The following GCNT2 variants were observed in gnomAD, a reference collection of about 807,000 sequenced individuals.
GCNT2 encodes the protein N-acetyllactosaminide beta-1,6-N-acetylglucosaminyl-transferase.
GCNT2 carries 34 observed loss-of-function variants against 34.2 expected under a neutral mutation model. The ratio of observed to expected loss-of-function variants is 1.00; its 90% CI spans 0.76 to 1.32. The LOEUF is 1.32. GCNT2 is among the 40% of genes most tolerant of loss of function. The pLI, the probability that GCNT2 is intolerant of heterozygous loss-of-function variation, is 0.00. For missense variants in GCNT2, 584 were observed against 489.4 expected (o/e 1.19, Z -1.82); for synonymous variants, 212 against 188.0 (o/e 1.13, Z -1.04).
In GCNT2 at chr6:10,542,208, G is replaced by C. The variant is rs116414980; in HGVS notation, c.925+12372G>C. 7.9e-3 allele frequency among the ~76,000 whole-genome samples: 1,199 copies of C among 150,896 alleles called. 13 individuals are homozygous for C. The highest frequency in any genetic ancestry group is 0.027 in the African/African-American group (1,137 of 41,478). Reference sequence around the variant, plus strand: ...ATAGAATCTACAACAGATCGACAGAGTTACAGCTGTTTCCTGCCCCAGTTT... The same window carrying C: ...ATAGAATCTACAACAGATCGACAGACTTACAGCTGTTTCCTGCCCCAGTTT... On this transcript the variant is annotated intron_variant, in intron 3 of 4. Transcript: ENST00000495262.
At chr6:10,570,236 G>A (rs1763498785) in intron 3 of GCNT2, among the ~76,000 whole-genome samples, 1 of 152,204 alleles carries the variant, frequency 6.6e-6, no homozygotes, top group Non-Finnish European at 1.5e-5. Context: ...CACCCAGCAT[G>A]TGGCATTCTT....
At chr6:10,544,603 C>CA (rs1157826761) in intron 3 of GCNT2, among the ~76,000 whole-genome samples, 1 of 150,142 alleles carries the variant, frequency 6.7e-6, no homozygotes, top group Non-Finnish European at 1.5e-5. Context: ...GACTCCATCT[C>CA]AAAAATAAAT....
intron 3 of GCNT2, among the ~76,000 whole-genome samples, chr6:10,541,821 GTTGAGTTGGTC>G (rs1762046076): frequency 6.6e-6 from 1 of 152,166 alleles, no homozygotes; most frequent in African/African-American, 2.4e-5. Flanking sequence ...TGAGGACCCA[GTTGAGTTGGTC>G]TTGCTCCTAA....
At chr6:10,530,873 T>C (rs1029828187) in intron 3 of GCNT2, among the ~76,000 whole-genome samples, 1 of 151,982 alleles carries the variant, frequency 6.6e-6, no homozygotes, top group South Asian at 2.1e-4. Flanking sequence ...GCCAACATGG[T>C]GAAACCCCGT....
chr6:10,601,939 T>TTAAAA (rs1561830857), intron 3 of GCNT2, among the ~76,000 whole-genome samples: 64 of 76,374 alleles, frequency 8.4e-4, no homozygotes, highest in African/African-American at 4.7e-3. Context: ...AGACTCCATC[T>TTAAAA]CAAGAAAAAA....
intron 4 of GCNT2, among the ~76,000 whole-genome samples, chr6:10,622,554 C>G (rs9366554): frequency 6.6e-6 from 1 of 151,968 alleles, no homozygotes; most frequent in Non-Finnish European, 1.5e-5. Flanking sequence ...TGTCTCCACT[C>G]TGAGACACTC....
intron 3 of GCNT2, chr6:10,530,090 A>G: frequency 2.3e-6 from 1 of 433,286 alleles, no homozygotes; most frequent in Non-Finnish European, 4.2e-6. Flanking sequence ...GACCGAGCAC[A>G]GTGGCTCAAG....
chr6:10,607,614 G>A (rs6927942), intron 3 of GCNT2, among the ~76,000 whole-genome samples: 1 of 152,182 alleles, frequency 6.6e-6, no homozygotes, highest in East Asian at 1.9e-4. Context: ...TGAAGAGTTT[G>A]TCACCATAAT....
chr6:10,539,783 G>A (rs1016882718), intron 3 of GCNT2, among the ~76,000 whole-genome samples: 10 of 152,198 alleles, frequency 6.6e-5, no homozygotes, highest in African/African-American at 1.9e-4. Context: ...TCTAATTTTT[G>A]GTTAGAAATC....
intron 3 of GCNT2, among the ~76,000 whole-genome samples, chr6:10,578,525 C>T (rs1763927050): frequency 7.0e-6 from 1 of 142,694 alleles, no homozygotes; most frequent in African/African-American, 2.7e-5. Context: ...CGGCTCACTG[C>T]AAGCTCTGCC....
intron 3 of GCNT2, among the ~76,000 whole-genome samples, chr6:10,604,877 A>AG: frequency 2.0e-5 from 1 of 49,924 alleles, no homozygotes; most frequent in Non-Finnish European, 7.6e-5. Context: ...GAAAAAGAAA[A>AG]AGAAAGAAAA....
intron 3 of GCNT2, among the ~76,000 whole-genome samples, chr6:10,537,698 C>CAAAAAAAAAAAAAAAAAAA (rs201257236): frequency 6.0e-5 from 5 of 83,228 alleles, no homozygotes; most frequent in African/African-American, 1.7e-4. Context: ...GATTCTGCCG[C>CAAAAAAAAAAAAAAAAAAA]AAAAAAAAAA....
rs185990347 is a variant in GCNT2, at chr6:10,592,522, A to G, written c.926-28829A>G. Among the ~76,000 whole-genome samples the G allele has an allele frequency of 3.2e-4, 48 of 152,248 alleles. No homozygotes were observed. The East Asian group carries it at 9.1e-3, about 29-fold the overall frequency. On this transcript the variant is annotated intron_variant, in intron 3 of 4. Coordinates refer to ENST00000495262, the MANE Select transcript of GCNT2 (RefSeq NM_145649.5). ...GGCTCCTGGTAGAGAAACCTTAGGC[A>G]GGTTATAAAGTATTTACACAGTAAA... is the stretch of plus-strand genomic sequence containing the variant.
intron 4 of GCNT2, among the ~76,000 whole-genome samples, chr6:10,625,040 ATTC>A (rs1766198542): frequency 1.3e-5 from 2 of 151,904 alleles, no homozygotes; most frequent in Admixed American, 1.3e-4. Flanking sequence ...CCGCCTGGTC[ATTC>A]TTTCACTTCC....
chr6:10,556,530 T>C lies in GCNT2; in HGVS notation c.925+26694T>C, dbSNP rs746562586. ...GGGGGAGATCCAAGCTTCCAAAGGC[T>C]AAATATCTCAGACCCTTTGAGGCTG... On this transcript the variant is annotated intron_variant, in intron 3 of 4. Transcript: ENST00000495262. 1.8e-5 allele frequency: 29 copies of C among 1,614,090 alleles called. No homozygotes were observed. The East Asian group carries it at 6.0e-4, about 33-fold the overall frequency.
chr6:10,554,460 A>G (rs1439154528), intron 3 of GCNT2, among the ~76,000 whole-genome samples: 1 of 152,244 alleles, frequency 6.6e-6, no homozygotes, highest in Non-Finnish European at 1.5e-5. Context: ...GTATAAATCC[A>G]AACCCCCATG....
At chr6:10,541,547 A>G (rs905133072) in intron 3 of GCNT2, among the ~76,000 whole-genome samples, 18 of 152,154 alleles carry the variant, frequency 1.2e-4, no homozygotes, top group African/African-American at 3.6e-4. Flanking sequence ...TCAAATTCCT[A>G]TACGTTTTAG....
chr6:10,586,226 C>T (rs529351080), intron 3 of GCNT2: 5 of 1,614,062 alleles, frequency 3.1e-6, no homozygotes, highest in African/African-American at 2.7e-5. Flanking sequence ...ATTACCTGAC[C>T]CAGAATCACT....
intron 3 of GCNT2, chr6:10,573,374 G>C: frequency 4.9e-6 from 4 of 820,680 alleles, no homozygotes; most frequent in Non-Finnish European, 5.9e-6. Context: ...CTTTGCTTGG[G>C]CATTTAGTGT....
Sources: allele counts gnomAD v4.1 joint callset (sites outside exome capture counted in the v4.1 genomes callset), GRCh38; gene constraint gnomAD v4.1.1; transcripts MANE v1.5; gene names NCBI Gene and HGNC (gene_info 2026-07-23, HGNC 2026-07-21).